Variants in RIMS2 observed in about 807,000 individuals in gnomAD.
RIMS2 encodes the protein regulating synaptic membrane exocytosis 2.
RIMS2 carries 59 observed loss-of-function variants against 174.4 expected under a neutral mutation model. That is an observed-to-expected ratio of 0.34 (90% confidence interval 0.27 to 0.42). The LOEUF (loss-of-function observed/expected upper bound fraction) is 0.42, where lower values mean the gene tolerates loss of function less well. Among genes scored for constraint, RIMS2 ranks in the 10% least tolerant of loss-of-function variants. RIMS2 has a pLI of 1.00. For missense variants in RIMS2, 1,620 were observed against 1,666.3 expected, an observed-to-expected ratio of 0.97 and a Z score of 0.48; for synonymous variants, 606 against 572.5, an observed-to-expected ratio of 1.06 and a Z score of -0.84.
chr8:103,558,924 G>C (rs1230004168), intron 1 of RIMS2, among the ~76,000 whole-genome samples: 1 of 152,052 alleles, frequency 6.6e-6, no homozygotes, highest in Non-Finnish European at 1.5e-5. Flanking sequence ...GGTTTTGTTT[G>C]GGTGGTGGAG....
chr8:103,809,550 T>C (rs1008029527), intron 3 of RIMS2, among the ~76,000 whole-genome samples: 1 of 152,098 alleles, frequency 6.6e-6, no homozygotes, highest in African/African-American at 2.4e-5. Context: ...AAAGTACCTA[T>C]GATACTTTAG....
chr8:103,901,217 A>G (rs543588790), intron 4 of RIMS2, among the ~76,000 whole-genome samples: 55 of 152,206 alleles, frequency 3.6e-4, no homozygotes, highest in African/African-American at 1.3e-3. Context: ...GGTATTCTCA[A>G]TGATGCTGGT....
intron 19 of RIMS2, among the ~76,000 whole-genome samples, chr8:104,080,033 A>G (rs749910084): frequency 1.2e-4 from 18 of 152,098 alleles, no homozygotes; most frequent in Admixed American, 6.6e-4. Context: ...AGTCAAAAGC[A>G]TGTTTTCTAA....
intron 19 of RIMS2, among the ~76,000 whole-genome samples, chr8:104,021,509 C>T (rs1441621731): frequency 6.6e-6 from 1 of 152,100 alleles, no homozygotes; most frequent in African/African-American, 2.4e-5. Context: ...CCTAAATATT[C>T]AACAAGTTTT....
chr8:104,126,839 C>A (rs1271681748), intron 19 of RIMS2, among the ~76,000 whole-genome samples: 1 of 152,032 alleles, frequency 6.6e-6, no homozygotes, highest in Non-Finnish European at 1.5e-5. Flanking sequence ...TATAAAGCTG[C>A]TTTGGTCTTT....
chr8:103,935,597 A>G (rs1385289499), intron 12 of RIMS2, among the ~76,000 whole-genome samples: 1 of 152,102 alleles, frequency 6.6e-6, no homozygotes. Context: ...TACTGTTCTA[A>G]TTGGAGTTTG....
intron 15 of RIMS2, among the ~76,000 whole-genome samples, chr8:103,969,435 A>G (rs928596792): frequency 5.9e-5 from 9 of 152,118 alleles, no homozygotes; most frequent in African/African-American, 2.2e-4. Flanking sequence ...TTATTCATAT[A>G]TCCTGAAGTT....
At chr8:103,701,507 C>T (rs1276113492) in intron 2 of RIMS2, among the ~76,000 whole-genome samples, 1 of 152,066 alleles carries the variant, frequency 6.6e-6, no homozygotes, top group East Asian at 1.9e-4. Context: ...CTTGTTGTAA[C>T]TGAGCACTGA....
At position 103,630,748 on chromosome 8, in the gene RIMS2, C is replaced by T. The variant is rs181612687; in HGVS notation, c.177-66338C>T. On this transcript the variant is annotated intron_variant, in intron 1 of 23. Coordinates refer to ENST00000504942, the Ensembl canonical transcript of RIMS2. ...AGTATAGATAAAATAAAATGAAATACTAGAATATTAAAATATGCTGCAGTA... is the reference window on the plus strand; with the variant it reads ...AGTATAGATAAAATAAAATGAAATATTAGAATATTAAAATATGCTGCAGTA... Among the ~76,000 whole-genome samples, 18 of 151,832 alleles carry T rather than the reference C, an allele frequency of 1.2e-4. No individual in the cohort carries two copies. The East Asian group carries it at 3.1e-3, about 26-fold the overall frequency.
chr8:104,192,296 G>A (rs1157169778), intron 19 of RIMS2, among the ~76,000 whole-genome samples: 1 of 152,016 alleles, frequency 6.6e-6, no homozygotes, highest in Non-Finnish European at 1.5e-5. Context: ...TAGAGTGCTA[G>A]TCTGAATTAT....
chr8:103,776,013 A>G (rs2098312137), intron 3 of RIMS2, among the ~76,000 whole-genome samples: 1 of 152,210 alleles, frequency 6.6e-6, no homozygotes, highest in Admixed American at 6.5e-5. Flanking sequence ...ATGCTGTCCC[A>G]GCATTCTTCA....
chr8:104,029,756 A>G (rs918563393), intron 19 of RIMS2, among the ~76,000 whole-genome samples: 1 of 152,192 alleles, frequency 6.6e-6, no homozygotes, highest in Non-Finnish European at 1.5e-5. Flanking sequence ...TTGGAACATC[A>G]CAAATTTATG....
At chr8:103,577,464 CAG>C (rs1403302210) in intron 1 of RIMS2, among the ~76,000 whole-genome samples, 1 of 152,042 alleles carries the variant, frequency 6.6e-6, no homozygotes, top group Admixed American at 6.6e-5. Context: ...CGGGGCCTGT[CAG>C]GGGCAGCTAG....
intron 4 of RIMS2, among the ~76,000 whole-genome samples, chr8:103,905,662 CTTT>C (rs34565524): frequency 4.8e-5 from 7 of 145,126 alleles, no homozygotes; most frequent in Admixed American, 6.9e-5. Flanking sequence ...TCTTTGAATA[CTTT>C]TTTTTTTTTT....
intron 3 of RIMS2, among the ~76,000 whole-genome samples, chr8:103,830,386 CTTA>C (rs1214618194): frequency 5.3e-5 from 8 of 151,924 alleles, no homozygotes; most frequent in South Asian, 2.1e-4. Context: ...AATAAAATAT[CTTA>C]TTATTTTTTA....
chr8:103,611,414 A>G (rs563690066), intron 1 of RIMS2, among the ~76,000 whole-genome samples: 167 of 152,106 alleles, frequency 1.1e-3, no homozygotes, highest in Non-Finnish European at 2.0e-3. Context: ...GTGTTTTCAG[A>G]TGATTTCTTC....
At chr8:103,606,102 A>G (rs1350180536) in intron 1 of RIMS2, among the ~76,000 whole-genome samples, 9 of 145,236 alleles carry the variant, frequency 6.2e-5, no homozygotes, top group African/African-American at 1.8e-4. Flanking sequence ...TAGGGTGTCA[A>G]TTTTGGATCT....
At chr8:103,930,839 C>T (rs1240809299) in intron 11 of RIMS2, among the ~76,000 whole-genome samples, 1 of 152,048 alleles carries the variant, frequency 6.6e-6, no homozygotes, top group Admixed American at 6.6e-5. Context: ...TAAAAATTCC[C>T]TATGAATGTT....
At chr8:103,610,649 A>G (rs932809696) in intron 1 of RIMS2, among the ~76,000 whole-genome samples, 1 of 152,146 alleles carries the variant, frequency 6.6e-6, no homozygotes. Flanking sequence ...TTGCATTTGT[A>G]TAGCCAGTCT....
Sources: gnomAD v4.1 joint callset for allele counts (sites outside exome capture counted in the v4.1 genomes callset) on GRCh38, gnomAD v4.1.1 for gene constraint, MANE v1.5 for transcripts, NCBI Gene and HGNC (gene_info 2026-07-23, HGNC 2026-07-21) for gene names.